Variants in ATP2C2 observed in about 807,000 individuals in gnomAD.
ATP2C2 encodes the protein ATPase secretory pathway Ca2+ transporting 2.
In ATP2C2, 171 loss-of-function variants were observed where a neutral mutation model predicts 110.8. The observed-to-expected ratio is 1.54, with a 90% CI of 1.36 to 1.75. ATP2C2 has a LOEUF of 1.75. ATP2C2 is among the 40% of genes most tolerant of loss of function. The pLI is 0.00. For missense variants in ATP2C2, 1,963 were observed against 1,235.0 expected (o/e 1.59, Z -8.84); for synonymous variants, 804 against 508.4 (o/e 1.58, Z -7.82).
chr16:84,429,389 G>A (rs1331673336), intron 11 of ATP2C2, among the ~76,000 whole-genome samples: 1 of 152,164 alleles, frequency 6.6e-6, no homozygotes, highest in Non-Finnish European at 1.5e-5. Flanking sequence ...CTGACCTCAG[G>A]TGATCCACCT....
chr16:84,440,941 G>C lies in ATP2C2; in HGVS notation c.1294G>C (p.Val432Leu). 1 of 1,612,554 alleles carries C rather than the reference G, an allele frequency of 6.2e-7. No individual in the cohort carries two copies. ...CATTAAGGAATTTTCCAATGTCTCA[G>C]TGGGAAAGTTAGTGGAGGTAGGTGT... ...EVIKEFSNVS[V>L]GKLVEAGCVA... Residue 432 changes from valine to leucine, a missense_variant, in exon 14 of 27, where the codon GTG becomes CTG. Coordinates refer to ENST00000262429, the MANE Select transcript of ATP2C2 (RefSeq NM_014861.4).
chr16:84,451,290 T>C (rs899392541), intron 17 of ATP2C2, among the ~76,000 whole-genome samples: 6 of 152,034 alleles, frequency 3.9e-5, no homozygotes, highest in African/African-American at 1.2e-4. Context: ...TCCCACTGGG[T>C]CCCTCCCACA....
intron 3 of ATP2C2, among the ~76,000 whole-genome samples, chr16:84,408,033 C>T (rs1260996654): frequency 6.6e-6 from 1 of 152,160 alleles, no homozygotes; most frequent in Non-Finnish European, 1.5e-5. Context: ...CTGGGATGTG[C>T]AGGATTTGGG....
chr16:84,413,785 G>C (rs1906595069), intron 6 of ATP2C2, among the ~76,000 whole-genome samples: 1 of 151,946 alleles, frequency 6.6e-6, no homozygotes, highest in Non-Finnish European at 1.5e-5. Flanking sequence ...AAACCCTGCT[G>C]TGCGGGACCC....
intron 24 of ATP2C2, 97 bp from the exon 25 acceptor site, chr16:84,461,617 C>T (rs1263831195): frequency 1.1e-5 from 12 of 1,101,264 alleles, no homozygotes; most frequent in Admixed American, 1.7e-5. Flanking sequence ...GGCTCCCAGC[C>T]ATGCCCCAGG....
intron 1 of ATP2C2, among the ~76,000 whole-genome samples, chr16:84,384,519 A>C (rs2151402730): frequency 6.6e-6 from 1 of 152,286 alleles, no homozygotes; most frequent in Non-Finnish European, 1.5e-5. Flanking sequence ...CCCCTTGGTT[A>C]AGACAGCGTC....
chr16:84,397,381 G>C (rs1374616399), intron 1 of ATP2C2, among the ~76,000 whole-genome samples: 2 of 151,652 alleles, frequency 1.3e-5, no homozygotes, highest in Non-Finnish European at 2.9e-5. Flanking sequence ...ATACTTGATG[G>C]AGAATCCTGG....
intron 11 of ATP2C2, among the ~76,000 whole-genome samples, chr16:84,436,543 G>C (rs1053919677): frequency 6.6e-6 from 1 of 152,150 alleles, no homozygotes. Flanking sequence ...TGGTATCTCA[G>C]ATAACAGAAA....
intron 1 of ATP2C2, among the ~76,000 whole-genome samples, chr16:84,370,314 C>G (rs377155318): frequency 1.7e-4 from 26 of 152,330 alleles, no homozygotes; most frequent in African/African-American, 2.9e-4. Flanking sequence ...CAGCAGCATC[C>G]TGAGGCCCTG....
intron 17 of ATP2C2, 72 bp from the exon 18 acceptor site, chr16:84,451,849 C>T: frequency 7.0e-7 from 1 of 1,438,844 alleles, no homozygotes; most frequent in Non-Finnish European, 9.5e-7. Flanking sequence ...AAAACAACAA[C>T]AACAACCAAC....
chr16:84,421,751 A>G (rs1202245900), intron 7 of ATP2C2, among the ~76,000 whole-genome samples: 1 of 152,188 alleles, frequency 6.6e-6, no homozygotes, highest in Admixed American at 6.5e-5. Flanking sequence ...AACTTGAACA[A>G]ATTACTTAAT....
At chr16:84,368,918 G>C (rs1909792038) in intron 1 of ATP2C2, among the ~76,000 whole-genome samples, 1 of 152,206 alleles carries the variant, frequency 6.6e-6, no homozygotes. Flanking sequence ...ACCCTCACGT[G>C]AACCCATTTT....
chr16:84,383,579 G>T (rs1472716101), intron 1 of ATP2C2, among the ~76,000 whole-genome samples: 3 of 152,156 alleles, frequency 2.0e-5, no homozygotes, highest in Non-Finnish European at 2.9e-5. Flanking sequence ...CAGAAAAGTT[G>T]TAAGAAGATG....
intron 6 of ATP2C2, among the ~76,000 whole-genome samples, chr16:84,412,347 TCTGC>T (rs1225608112): frequency 2.9e-5 from 3 of 103,872 alleles, no homozygotes; most frequent in East Asian, 4.7e-4. Context: ...TATGCGTGTG[TCTGC>T]GTGCGTGTGT....
intron 1 of ATP2C2, among the ~76,000 whole-genome samples, chr16:84,389,225 T>C (rs1467219258): frequency 6.6e-6 from 1 of 152,214 alleles, no homozygotes; most frequent in African/African-American, 2.4e-5. Context: ...AGCACCTTCA[T>C]GCCTGTTCTT....
intron 11 of ATP2C2, among the ~76,000 whole-genome samples, chr16:84,438,428 C>T (rs1908937405): frequency 6.6e-6 from 1 of 152,180 alleles, no homozygotes; most frequent in Admixed American, 6.5e-5. Flanking sequence ...GAAAGAGCCC[C>T]CTCTACACAT....
chr16:84,405,039 C>G (rs1456126569), intron 2 of ATP2C2, 89 bp from the exon 3 acceptor site: 2 of 1,093,914 alleles, frequency 1.8e-6, no homozygotes, highest in Non-Finnish European at 2.8e-6. Context: ...ATCATGGAAG[C>G]CGCTGCCTTT....
Position 84,462,046 on chromosome 16 carries a change from T to G in ATP2C2, c.2639T>G (p.Leu880Arg), listed in dbSNP as rs909416952. The G allele has an allele frequency of 2.6e-5, 42 of 1,613,960 alleles. No individual in the cohort carries two copies. Among genetic ancestry groups the G allele is most frequent in the Non-Finnish European group, 3.4e-5 (40 of 1,179,992 alleles). The change falls in exon 26 of 27, where the codon CTG (leucine) becomes CGG (arginine). Residue 880 changes from leucine (L) to arginine (R), a missense_variant. Physicochemically the swap from Leu to Arg is moderately radical, Grantham distance 102. Transcript: ENST00000262429. ...AACCACATGTTCCTCTACTCCGTCC[T>G]GGGGTCCATCCTGGGGCAGCTGGCG... is the stretch of plus-strand genomic sequence containing the variant. ...LRNHMFLYSV[L>R]GSILGQLAVI...
chr16:84,462,271 T>C, intron 26 of ATP2C2, 142 bp downstream of exon 26: 1 of 1,110,154 alleles, frequency 9.0e-7, no homozygotes, highest in Non-Finnish European at 1.3e-6. Flanking sequence ...TTCAGGGCCC[T>C]TCTGTCCTCA....
Sources: allele counts gnomAD v4.1 joint callset (sites outside exome capture counted in the v4.1 genomes callset), GRCh38; gene constraint gnomAD v4.1.1; transcripts MANE v1.5; gene names NCBI Gene and HGNC (gene_info 2026-07-23, HGNC 2026-07-21).